Variants in SLC35F3 observed in about 807,000 individuals in gnomAD.
SLC35F3 encodes putative thiamine transporter SLC35F3.
Under a neutral mutation model 49.9 loss-of-function variants are expected in SLC35F3, and 25 were observed. The observed-to-expected ratio is 0.50, with a 90% CI of 0.37 to 0.70. The LOEUF (loss-of-function observed/expected upper bound fraction) is 0.70, where lower values mean the gene tolerates loss of function less well. Ranked by LOEUF, SLC35F3 falls within the 30% of genes least tolerant of loss-of-function variation. The pLI, the probability that SLC35F3 is intolerant of heterozygous loss-of-function variation, is 0.00. For missense variants in SLC35F3, 525 were observed against 639.8 expected (o/e 0.82, Z 1.94); for synonymous variants, 275 against 265.4 (o/e 1.04, Z -0.35).
intron 2 of SLC35F3, among the ~76,000 whole-genome samples, chr1:234,080,430 A>G (rs1198685246): frequency 6.6e-6 from 1 of 152,216 alleles, no homozygotes; most frequent in Non-Finnish European, 1.5e-5. Flanking sequence ...AAAAACATGC[A>G]TATGAATGTT....
chr1:233,951,596 G>T (rs1321608371), intron 2 of SLC35F3, among the ~76,000 whole-genome samples: 1 of 152,164 alleles, frequency 6.6e-6, no homozygotes, highest in South Asian at 2.1e-4. Context: ...TAGCCTGTTA[G>T]GAATGGGGGT....
chr1:234,110,233 C>T (rs936967809), intron 2 of SLC35F3, among the ~76,000 whole-genome samples: 8 of 152,134 alleles, frequency 5.3e-5, no homozygotes, highest in African/African-American at 1.7e-4. Flanking sequence ...CTTGCAAGAG[C>T]TCTTGGATGC....
In SLC35F3 at chr1:234,013,299, A is replaced by T. The variant is rs1663752958; in HGVS notation, c.283+107541A>T. The stretch of plus-strand genomic sequence containing the variant: ...TTTTTGAGACAAATTAAAATAGCAA[A>T]AACAACCTACAGGATGCAAAAACTT... On this transcript the variant is annotated intron_variant, in intron 2 of 7. Transcript: ENST00000366618. Among the ~76,000 whole-genome samples, 5 of 152,312 alleles carry T rather than the reference A, an allele frequency of 3.3e-5. No individual in the cohort carries two copies. The South Asian group carries it at 1.0e-3, about 32-fold the overall frequency.
intron 2 of SLC35F3, among the ~76,000 whole-genome samples, chr1:234,193,834 A>G (rs1399107140): frequency 1.3e-5 from 2 of 152,250 alleles, no homozygotes; most frequent in Non-Finnish European, 1.5e-5. Context: ...GCCAACAAAC[A>G]TATGAAAAAA....
chr1:233,922,916 A>G (rs555497093), intron 2 of SLC35F3, among the ~76,000 whole-genome samples: 2 of 152,142 alleles, frequency 1.3e-5, no homozygotes, highest in Admixed American at 6.5e-5. Flanking sequence ...TCGTTTCCCC[A>G]TTTCTTGTTT....
chr1:234,008,972 T>G (rs1663672760), intron 2 of SLC35F3, among the ~76,000 whole-genome samples: 1 of 152,218 alleles, frequency 6.6e-6, no homozygotes, highest in Non-Finnish European at 1.5e-5. Flanking sequence ...AACCTCATTT[T>G]TTGGATATCA....
intron 2 of SLC35F3, among the ~76,000 whole-genome samples, chr1:234,163,586 C>T (rs190540140): frequency 7.1e-4 from 108 of 152,340 alleles, no homozygotes; most frequent in African/African-American, 2.3e-3. Context: ...CCTGAGGGAA[C>T]TGCAGACTGG....
At chr1:234,048,774 C>G (rs1447510981) in intron 2 of SLC35F3, among the ~76,000 whole-genome samples, 3 of 152,148 alleles carry the variant, frequency 2.0e-5, no homozygotes, top group Non-Finnish European at 2.9e-5. Context: ...AAGGTAGAGC[C>G]CAGTGGGTTC....
intron 2 of SLC35F3, among the ~76,000 whole-genome samples, chr1:233,907,650 T>A (rs1661798049): frequency 6.6e-6 from 1 of 152,194 alleles, no homozygotes; most frequent in Admixed American, 6.5e-5. Flanking sequence ...TTAGGTGTAA[T>A]GTTTAAATTT....
Position 234,118,898 on chromosome 1 carries a change from T to TA in SLC35F3, c.284-112518dup, listed in dbSNP as rs397963016. Among the ~76,000 whole-genome samples the TA allele has an allele frequency of 2.0e-5, 3 of 151,704 alleles. No homozygotes were observed. In the East Asian group the frequency reaches 5.8e-4, roughly 29 times the overall value. On this transcript the variant is annotated intron_variant, in intron 2 of 7. Transcript: ENST00000366618. ...TTTTTTTCTTTTCTTTTTTTTTTTT[T>TA]ACAAAACCTCTTGCACTACCTGAAT...
chr1:234,030,119 G>T (rs1664037435), intron 2 of SLC35F3, among the ~76,000 whole-genome samples: 1 of 152,106 alleles, frequency 6.6e-6, no homozygotes, highest in South Asian at 2.1e-4. Flanking sequence ...GATTCACTCA[G>T]ACAGAATACA....
At chr1:233,998,678 A>C (rs1424299184) in intron 2 of SLC35F3, among the ~76,000 whole-genome samples, 1 of 152,022 alleles carries the variant, frequency 6.6e-6, no homozygotes, top group Non-Finnish European at 1.5e-5. Flanking sequence ...AAGCGCCTAG[A>C]ATGTGGCTAG....
chr1:234,110,191 G>A (rs574833382), intron 2 of SLC35F3, among the ~76,000 whole-genome samples: 2 of 152,304 alleles, frequency 1.3e-5, no homozygotes, highest in South Asian at 2.1e-4. Flanking sequence ...GGTTGAATAC[G>A]GAGGAGGAAG....
intron 2 of SLC35F3, among the ~76,000 whole-genome samples, chr1:234,202,097 T>C (rs1258246560): frequency 2.0e-5 from 3 of 152,126 alleles, no homozygotes; most frequent in African/African-American, 7.2e-5. Flanking sequence ...TCACGTCCTT[T>C]GCAGGGACAT....
At chr1:234,292,055 G>T (rs1022512182) in intron 3 of SLC35F3, among the ~76,000 whole-genome samples, 1 of 152,176 alleles carries the variant, frequency 6.6e-6, no homozygotes, top group African/African-American at 2.4e-5. Flanking sequence ...CAGGACTGGT[G>T]GTAGCATGTG....
intron 2 of SLC35F3, among the ~76,000 whole-genome samples, chr1:234,156,741 TAAAC>T (rs1174970978): frequency 1.3e-5 from 2 of 152,056 alleles, no homozygotes; most frequent in Non-Finnish European, 2.9e-5. Context: ...GATGAATAAA[TAAAC>T]AAAATGTGAT....
rs528163647 is a variant in SLC35F3 at position 233,963,401 on chromosome 1, C to T, written c.283+57643C>T. Among the ~76,000 whole-genome samples, 44 of 151,872 alleles carry T rather than the reference C, an allele frequency of 2.9e-4. No homozygotes were observed. The South Asian group carries it at 7.7e-3, about 27-fold the overall frequency. The stretch of plus-strand genomic sequence containing the variant: ...CTGCAAGCTCCGCCTCCCAGGTTCA[C>T]GCCATTCTTCTGCCTCAGCCTCCCA... On this transcript the variant is annotated intron_variant, in intron 2 of 7. Coordinates refer to ENST00000366618, the MANE Select transcript of SLC35F3 (RefSeq NM_173508.4).
chr1:234,197,442 G>T (rs776607863), intron 2 of SLC35F3, among the ~76,000 whole-genome samples: 2 of 152,194 alleles, frequency 1.3e-5, no homozygotes, highest in Non-Finnish European at 2.9e-5. Flanking sequence ...CCTGGTCAAG[G>T]AGAGAGTTCG....
chr1:234,247,901 G>GGGTAGGTTGGTTGGTCCATTGCTT (rs1229810927), intron 3 of SLC35F3, among the ~76,000 whole-genome samples: 2 of 152,170 alleles, frequency 1.3e-5, no homozygotes, highest in African/African-American at 4.8e-5. Context: ...GTTGTTTGGT[G>GGGTAGGTTGGTTGGTCCATTGCTT]GGTAGGTTGG....
Sources: gnomAD v4.1 joint callset for allele counts (sites outside exome capture counted in the v4.1 genomes callset) on GRCh38, gnomAD v4.1.1 for gene constraint, MANE v1.5 for transcripts, NCBI Gene and HGNC (gene_info 2026-07-23, HGNC 2026-07-21) for gene names.